PTPRG: variants seen among roughly 807,000 people sequenced by gnomAD.
PTPRG encodes protein tyrosine phosphatase receptor type G.
In PTPRG, 102 loss-of-function variants were observed where a neutral mutation model predicts 165.3. The observed-to-expected ratio is 0.62, with a 90% confidence interval of 0.53 to 0.73. PTPRG has a LOEUF of 0.73. PTPRG is among the 30% of genes least tolerant of loss of function. The pLI, the probability that PTPRG is intolerant of heterozygous loss-of-function variation, is 0.00. For missense variants in PTPRG, 1,866 were observed against 1,861.4 expected, an observed-to-expected ratio of 1.00 and a Z score of -0.05; for synonymous variants, 675 against 669.5, an observed-to-expected ratio of 1.01 and a Z score of -0.13.
At chr3:62,000,008 C>T (rs1214966250) in intron 3 of PTPRG, among the ~76,000 whole-genome samples, 1 of 152,042 alleles carries the variant, frequency 6.6e-6, no homozygotes, top group Non-Finnish European at 1.5e-5. Flanking sequence ...AAGATCTCCC[C>T]CCCAGGCCCG....
chr3:62,183,589 G>A (rs1304460938), intron 8 of PTPRG, among the ~76,000 whole-genome samples: 2 of 150,868 alleles, frequency 1.3e-5, no homozygotes, highest in Non-Finnish European at 3.0e-5. Flanking sequence ...AAAAAAGAAT[G>A]GCACAGAATG....
chr3:61,820,755 G>C (rs2035930134), intron 2 of PTPRG, among the ~76,000 whole-genome samples: 1 of 151,924 alleles, frequency 6.6e-6, no homozygotes, highest in African/African-American at 2.4e-5. Context: ...TTGAGTAACA[G>C]CTAGCTATAG....
At chr3:62,238,017 A>G (rs574567185) in intron 14 of PTPRG, among the ~76,000 whole-genome samples, 1 of 152,240 alleles carries the variant, frequency 6.6e-6, no homozygotes, top group South Asian at 2.1e-4. Context: ...AAATGTGCAT[A>G]TATCTAATAT....
intron 2 of PTPRG, among the ~76,000 whole-genome samples, chr3:61,877,723 A>G (rs905636223): frequency 7.9e-5 from 12 of 152,372 alleles, no homozygotes; most frequent in East Asian, 5.8e-4. Context: ...TGACAGTAAA[A>G]AGGAGAAAAT....
At chr3:61,934,701 C>T (rs935769069) in intron 2 of PTPRG, among the ~76,000 whole-genome samples, 9 of 152,218 alleles carry the variant, frequency 5.9e-5, no homozygotes, top group Admixed American at 1.3e-4. Flanking sequence ...CACTCTTGTC[C>T]TATTGGTCAG....
chr3:61,953,824 A>T (rs2107629300), intron 2 of PTPRG, among the ~76,000 whole-genome samples: 1 of 152,338 alleles, frequency 6.6e-6, no homozygotes, highest in East Asian at 1.9e-4. Flanking sequence ...TCTACTCTAA[A>T]GCACAAATGC....
chr3:61,818,267 C>G (rs2035847435), intron 2 of PTPRG, among the ~76,000 whole-genome samples: 1 of 151,826 alleles, frequency 6.6e-6, no homozygotes, highest in Non-Finnish European at 1.5e-5. Flanking sequence ...TAAAATAAGA[C>G]TAAAATATGA....
At chr3:61,625,964 A>G (rs1327090775) in intron 1 of PTPRG, among the ~76,000 whole-genome samples, 1 of 151,168 alleles carries the variant, frequency 6.6e-6, no homozygotes, top group Admixed American at 6.6e-5. Context: ...AAGCAGAGTC[A>G]TTTATGCATT....
chr3:61,605,868 C>T (rs1700991216), intron 1 of PTPRG, among the ~76,000 whole-genome samples: 2 of 152,190 alleles, frequency 1.3e-5, no homozygotes, highest in Non-Finnish European at 2.9e-5. Context: ...TCACCACACC[C>T]AGCCTGACTT....
chr3:61,757,330 T>G (rs2033664427), intron 2 of PTPRG, among the ~76,000 whole-genome samples: 1 of 152,132 alleles, frequency 6.6e-6, no homozygotes. Context: ...TACCAGTAGA[T>G]TCATAATTTT....
chr3:61,835,857 A>G (rs1002584609), intron 2 of PTPRG, among the ~76,000 whole-genome samples: 6 of 151,774 alleles, frequency 4.0e-5, no homozygotes, highest in South Asian at 2.1e-4. Context: ...CCTGGGCAAC[A>G]TGGTGAAACC....
chr3:62,044,136 T>C (rs1700213369), intron 4 of PTPRG, among the ~76,000 whole-genome samples: 1 of 152,254 alleles, frequency 6.6e-6, no homozygotes, highest in Non-Finnish European at 1.5e-5. Flanking sequence ...AGCCAGAGGC[T>C]GGAGTGCAGG....
intron 2 of PTPRG, among the ~76,000 whole-genome samples, chr3:61,974,900 A>C (rs2040467112): frequency 1.3e-5 from 2 of 152,168 alleles, no homozygotes. Context: ...CTGTGTTGAA[A>C]TTGTCCTTCA....
chr3:62,010,086 G>GT (rs1282620880), intron 4 of PTPRG, among the ~76,000 whole-genome samples: 2 of 151,904 alleles, frequency 1.3e-5, no homozygotes, highest in African/African-American at 4.8e-5. Context: ...CCCAGCTAAT[G>GT]TTTTTTATTT....
intron 8 of PTPRG, among the ~76,000 whole-genome samples, chr3:62,185,122 C>A (rs1037695277): frequency 1.3e-5 from 2 of 152,170 alleles, no homozygotes. Flanking sequence ...CTAGAAGACT[C>A]TTCATTACTT....
chr3:61,958,776 G>C (rs187582053), intron 2 of PTPRG, among the ~76,000 whole-genome samples: 1 of 152,302 alleles, frequency 6.6e-6, no homozygotes. Flanking sequence ...ATTGGAGATA[G>C]TCACATTTTT....
At chr3:61,841,119 C>T (rs1265412123) in intron 2 of PTPRG, among the ~76,000 whole-genome samples, 1 of 152,100 alleles carries the variant, frequency 6.6e-6, no homozygotes, top group Admixed American at 6.6e-5. Flanking sequence ...TTTCCATCCA[C>T]TGATTATCTT....
chr3:61,593,493 G>C (rs186638511), intron 1 of PTPRG, among the ~76,000 whole-genome samples: 2 of 151,516 alleles, frequency 1.3e-5, no homozygotes, highest in African/African-American at 2.4e-5. Context: ...CTGCATAAAG[G>C]CTTAAATCTA....
chr3:62,059,897 G>A (rs989876381), intron 4 of PTPRG, among the ~76,000 whole-genome samples: 3 of 152,108 alleles, frequency 2.0e-5, no homozygotes, highest in African/African-American at 4.8e-5. Flanking sequence ...GAAGAAGGAC[G>A]TGTTTGCTTC....
Sources: allele counts gnomAD v4.1 joint callset (sites outside exome capture counted in the v4.1 genomes callset), GRCh38; gene constraint gnomAD v4.1.1; transcripts MANE v1.5; gene names NCBI Gene and HGNC (gene_info 2026-07-23, HGNC 2026-07-21).